Variants in UFL1 observed in about 807,000 individuals in gnomAD.
UFL1 encodes UFM1 specific ligase 1, also known as E3 UFM1-protein ligase 1.
A neutral mutation model predicts 99.3 loss-of-function variants in UFL1; 78 were observed. The observed-to-expected ratio is 0.79, with a 90% CI of 0.65 to 0.95. The LOEUF (loss-of-function observed/expected upper bound fraction) is 0.95. UFL1 is among the 40% of genes least tolerant of loss of function. UFL1 has a pLI of 0.00. For missense variants in UFL1, 936 were observed against 937.0 expected, an observed-to-expected ratio of 1.00 and a Z score of 0.01; for synonymous variants, 335 against 322.2, an observed-to-expected ratio of 1.04 and a Z score of -0.42.
chr6:96,547,520 T>C (rs1770017414), intron 12 of UFL1, among the ~76,000 whole-genome samples: 1 of 151,632 alleles, frequency 6.6e-6, no homozygotes, highest in African/African-American at 2.4e-5. Context: ...CATATACTCT[T>C]ATGTTCTTTG....
intron 18 of UFL1, 150 bp downstream of exon 18, chr6:96,552,812 T>A: frequency 1.4e-6 from 1 of 723,656 alleles, no homozygotes; most frequent in African/African-American, 1.9e-5. Flanking sequence ...ATTAGGAGAT[T>A]AATTTTTTAA....
At chr6:96,528,223 A>G (rs1769729639) in intron 5 of UFL1, among the ~76,000 whole-genome samples, 1 of 152,220 alleles carries the variant, frequency 6.6e-6, no homozygotes, top group African/African-American at 2.4e-5. Flanking sequence ...TTTTTATGTT[A>G]GAAATAGCCC....
intron 6 of UFL1, among the ~76,000 whole-genome samples, chr6:96,529,322 C>G (rs1769748946): frequency 6.6e-6 from 1 of 152,162 alleles, no homozygotes; most frequent in Admixed American, 6.5e-5. Context: ...AAACAAACCT[C>G]TCTGAACCCC....
At chr6:96,522,965 C>G in intron 1 of UFL1, 181 bp from the exon 2 acceptor site, 2 of 505,198 alleles carry the variant, frequency 4.0e-6, no homozygotes, top group Non-Finnish European at 6.5e-6. Context: ...TGTAAACCTA[C>G]TTACTCTGAA....
Position 96,538,673 on chromosome 6 carries a change from T to C in UFL1, c.1021T>C (p.Leu341=). The C allele has an allele frequency of 3.1e-6, 5 of 1,611,500 alleles. No homozygotes were observed. Among genetic ancestry groups the C allele is most frequent in the Non-Finnish European group, 4.2e-6 (5 of 1,178,300 alleles). Reference sequence around the variant, plus strand: ...TTTATCAGTTGAAGATGCTGCCATATTGCTTCAGCAGGTGATGAGGGCATT... The same window carrying C: ...TTTATCAGTTGAAGATGCTGCCATACTGCTTCAGCAGGTGATGAGGGCATT... ...TSLSVEDAAI[L]LQQVMRAFSK... Residue 341 remains leucine (L), a synonymous_variant, in exon 10 of 19, where the codon TTG becomes CTG. Transcript: ENST00000369278.
In UFL1 at chr6:96,536,312, G is replaced by A. The variant is rs781069921; in HGVS notation, c.724G>A (p.Ala242Thr). 12 of 1,611,498 alleles carry A rather than the reference G, an allele frequency of 7.4e-6. No homozygotes were observed. Among genetic ancestry groups the A allele is most frequent in the Admixed American group, 3.3e-5 (2 of 59,822 alleles). The part of the protein sequence containing the change: ...GTVVGGRQDK[A>T]VFVPDIYSRT... ...TGTGGTTGGTGGGAGACAGGATAAA[G>A]CTGTGTTTGTCCCTGACATCTACTC... Residue 242 changes from alanine to threonine, a missense_variant, in exon 8 of 19, where the codon GCT becomes ACT. By Grantham distance (58) the Ala-to-Thr change is moderately conservative. Coordinates refer to ENST00000369278, the MANE Select transcript of UFL1 (RefSeq NM_015323.5).
At chr6:96,526,537 A>G (rs766943351) in intron 5 of UFL1, 102 bp downstream of exon 5, 14 of 884,414 alleles carry the variant, frequency 1.6e-5, no homozygotes, top group Middle Eastern at 2.1e-4. Context: ...CCTCACCATC[A>G]TTTGATTTAT....
At chr6:96,534,343 T>A in intron 7 of UFL1, 22 bp downstream of exon 7, 1 of 1,508,320 alleles carries the variant, frequency 6.6e-7, no homozygotes, top group Non-Finnish European at 9.0e-7. Flanking sequence ...TTAAATTATA[T>A]TTACTTAATT....
At position 96,549,805 on chromosome 6, in the gene UFL1, TTAA is replaced by T; in HGVS notation, c.1818+8_1818+10del. ...CTGCAGCCATTACAAGTGAAGTATG[TTAA>T]TGATCTCCCTACCACTATTGATGTG... is the stretch of plus-strand genomic sequence containing the variant. On this transcript the variant is annotated splice_region_variant and intron_variant, in intron 15 of 18. Transcript: ENST00000369278. The T allele has an allele frequency of 1.2e-6, 2 of 1,610,994 alleles. No homozygotes were observed. The highest frequency in any genetic ancestry group is 2.2e-5 in the South Asian group (2 of 90,904).
chr6:96,536,467 T>C (rs1173529972), intron 8 of UFL1, 77 bp downstream of exon 8: 3 of 1,111,108 alleles, frequency 2.7e-6, no homozygotes, highest in Non-Finnish European at 3.7e-6. Flanking sequence ...ATACTAACCC[T>C]AGAGTCCTCC....
At chr6:96,536,817 C>T (rs1769860855) in intron 8 of UFL1, among the ~76,000 whole-genome samples, 1 of 151,614 alleles carries the variant, frequency 6.6e-6, no homozygotes, top group Admixed American at 6.6e-5. Flanking sequence ...TCAGATATAT[C>T]ATCTTAGAAA....
At chr6:96,526,287 CT>C (rs754812782) in intron 4 of UFL1, 33 bp from the exon 5 acceptor site, 1 of 1,530,736 alleles carries the variant, frequency 6.5e-7, no homozygotes, top group Non-Finnish European at 8.9e-7. Context: ...ATTCCTAATT[CT>C]TTTTTCTATT....
chr6:96,530,030 G>T (rs1769762449), intron 6 of UFL1, among the ~76,000 whole-genome samples: 1 of 152,098 alleles, frequency 6.6e-6, no homozygotes, highest in East Asian at 1.9e-4. Flanking sequence ...AATTAACATT[G>T]ATTGATTACT....
intron 1 of UFL1, 128 bp downstream of exon 1, chr6:96,522,078 C>A: frequency 9.2e-7 from 1 of 1,089,450 alleles, no homozygotes; most frequent in Non-Finnish European, 1.3e-6. Context: ...TTCTCTCCTC[C>A]TCCCTCTGTC....
chr6:96,523,836 A>G (rs957206627), intron 2 of UFL1, among the ~76,000 whole-genome samples: 1 of 152,196 alleles, frequency 6.6e-6, no homozygotes, highest in Non-Finnish European at 1.5e-5. Flanking sequence ...TTTGAATACT[A>G]TTTGATTAAA....
chr6:96,537,223 C>T, intron 8 of UFL1, 151 bp from the exon 9 acceptor site: 1 of 521,582 alleles, frequency 1.9e-6, no homozygotes, highest in Non-Finnish European at 3.1e-6. Flanking sequence ...AACTAGTTTT[C>T]TTAAGCATGA....
chr6:96,549,711 T>C lies in UFL1; in HGVS notation c.1730T>C (p.Val577Ala). The part of the protein sequence containing the change: ...AALTKHLLKS[V>A]CTDITNLIFN... ...CTTACCAAACACTTGCTGAAGTCAG[T>C]GTGTACTGATATCACTAACCTCATT... The change falls in exon 15 of 19, where the codon GTG (valine) becomes GCG (alanine). Residue 577 changes from valine to alanine, a missense_variant. By Grantham distance (64) the Val-to-Ala change is moderately conservative. Coordinates refer to ENST00000369278, the MANE Select transcript of UFL1 (RefSeq NM_015323.5). 1 of 1,612,438 alleles carries C rather than the reference T, an allele frequency of 6.2e-7. No homozygotes were observed. The highest frequency in any genetic ancestry group is 1.1e-5 in the South Asian group (1 of 91,030).
intron 5 of UFL1, 72 bp from the exon 6 acceptor site, chr6:96,528,430 G>A (rs550615683): frequency 2.0e-6 from 3 of 1,536,804 alleles, no homozygotes; most frequent in Admixed American, 3.7e-5. Context: ...CATGACTTGA[G>A]TATGACTATG....
Position 96,528,601 on chromosome 6 carries a change from C to T in UFL1, c.565C>T (p.Arg189Cys), listed in dbSNP as rs755175157. 1.2e-5 allele frequency: 19 copies of T among 1,613,554 alleles called. No homozygotes were observed. The South Asian group carries it at 1.5e-4, about 13-fold the overall frequency. ...TEAFVARHKARIRGLFSAITR... is the reference protein window; with the variant it reads ...TEAFVARHKACIRGLFSAITR... ...AGCTTTTGTAGCTCGACATAAAGCA[C>T]GTATCCGTGGACTATTCAGTGCTAT... Residue 189 changes from arginine to cysteine, a missense_variant, in exon 6 of 19, where the codon CGT (arginine) becomes TGT (cysteine). Coordinates refer to ENST00000369278, the MANE Select transcript of UFL1 (RefSeq NM_015323.5).
Sources: allele counts gnomAD v4.1 joint callset (sites outside exome capture counted in the v4.1 genomes callset), GRCh38; gene constraint gnomAD v4.1.1; transcripts MANE v1.5; gene names NCBI Gene and HGNC (gene_info 2026-07-23, HGNC 2026-07-21).